TMEM132B: variants seen among roughly 807,000 people sequenced by gnomAD.
The protein encoded by TMEM132B is transmembrane protein 132B.
Under a neutral mutation model 90.8 loss-of-function variants are expected in TMEM132B, and 18 were observed. The ratio of observed to expected loss-of-function variants is 0.20; its 90% CI spans 0.14 to 0.29. TMEM132B has a LOEUF of 0.29. Ranked by LOEUF, TMEM132B falls within the 10% of genes least tolerant of loss-of-function variation. The pLI, the probability that TMEM132B is intolerant of heterozygous loss-of-function variation, is 1.00. For synonymous variants in TMEM132B, 504 were observed against 523.3 expected (o/e 0.96, Z 0.50); for missense variants, 1,096 against 1,326.8 (o/e 0.83, Z 2.70).
In TMEM132B at chr12:125,406,493, G is replaced by C. The variant is rs1879484452; in HGVS notation, c.960-9038G>C. On this transcript the variant is annotated intron_variant, in intron 2 of 8. Transcript: ENST00000682704. This position sits in a 1 kb window ranked among gnomAD's most constrained non-coding sequence, Gnocchi z 8.3. ...TCTCAGTCTGTGGCCAAAACCATCT[G>C]AGACTCACTGGTCTGGACTGAGCCA... Among the ~76,000 whole-genome samples, 1 of 152,202 alleles carries C rather than the reference G, an allele frequency of 6.6e-6. No homozygotes were observed. The highest frequency in any genetic ancestry group is 6.5e-5 in the Admixed American group (1 of 15,288).
intron 3 of TMEM132B, among the ~76,000 whole-genome samples, chr12:125,454,396 G>T (rs113486960): frequency 4.1e-5 from 6 of 146,570 alleles, no homozygotes; most frequent in South Asian, 2.2e-4. Flanking sequence ...GTGTGTTTGT[G>T]TGTGTGTGTG....
At chr12:125,605,499 G>T (rs1290155022) in intron 5 of TMEM132B, among the ~76,000 whole-genome samples, 2 of 152,164 alleles carry the variant, frequency 1.3e-5, no homozygotes, top group African/African-American at 4.8e-5. Flanking sequence ...AGAGAGACAG[G>T]CCTGGTTACC....
At chr12:125,332,464 T>A (rs369864) in intron 1 of TMEM132B, among the ~76,000 whole-genome samples, 1 of 152,150 alleles carries the variant, frequency 6.6e-6, no homozygotes, top group African/African-American at 2.4e-5. Flanking sequence ...CTTCTCTCAA[T>A]TAAGCGCAGC....
chr12:125,282,313 C>T lies in TMEM132B; in HGVS notation c.68-67139C>T, dbSNP rs1387804822. Among the ~76,000 whole-genome samples, 2 of 152,086 alleles carry T rather than the reference C, an allele frequency of 1.3e-5. 1 individual carries two copies. The highest frequency in any genetic ancestry group is 2.9e-5 in the Non-Finnish European group (2 of 68,024). On this transcript the variant is annotated intron_variant, in intron 1 of 8. Coordinates refer to ENST00000682704, the MANE Select transcript of TMEM132B (RefSeq NM_001366854.1). The stretch of plus-strand genomic sequence containing the variant: ...CTGTGCCCTGGTGCCCCCGCCTTCC[C>T]CGGCCTGGGACACTCTCCCTCACTC...
chr12:125,220,848 A>G (rs1593045983), intron 1 of TMEM132B, among the ~76,000 whole-genome samples: 1 of 152,036 alleles, frequency 6.6e-6, no homozygotes, highest in Admixed American at 6.6e-5. Flanking sequence ...CAGAGTAAAA[A>G]CCCACAGTCC....
At position 125,191,545 on chromosome 12, in the gene TMEM132B, A is replaced by G. The variant is rs868228471; in HGVS notation, c.67+4679A>G. On this transcript the variant is annotated intron_variant, in intron 1 of 8. Transcript: ENST00000682704. ...GTGTGGCCCGGCCTCTGAACCAGCCAGGCTTATACTCCCAGGTGGTGGGTA... is the reference window on the plus strand; with the variant it reads ...GTGTGGCCCGGCCTCTGAACCAGCCGGGCTTATACTCCCAGGTGGTGGGTA... 6.6e-4 allele frequency among the ~76,000 whole-genome samples: 100 copies of G among 152,298 alleles called. 3 individuals carry two copies. In the Middle Eastern group the frequency reaches 0.02, roughly 31 times the overall value.
At chr12:125,447,927 A>G (rs1485613721) in intron 3 of TMEM132B, among the ~76,000 whole-genome samples, 2 of 152,170 alleles carry the variant, frequency 1.3e-5, no homozygotes, top group Admixed American at 1.3e-4. Context: ...AAGAATCAAA[A>G]TATTTTGAGG....
chr12:125,254,845 G>A (rs965887736), intron 1 of TMEM132B, among the ~76,000 whole-genome samples: 8 of 151,952 alleles, frequency 5.3e-5, no homozygotes, highest in Non-Finnish European at 1.0e-4. Flanking sequence ...CACCACACCC[G>A]GCTAATACTT....
At chr12:125,523,273 C>T (rs1883356469) in intron 4 of TMEM132B, among the ~76,000 whole-genome samples, 1 of 152,108 alleles carries the variant, frequency 6.6e-6, no homozygotes, top group African/African-American at 2.4e-5. Context: ...GCAAAGTTGT[C>T]AGGAGGGCTG....
In TMEM132B at chr12:125,636,725, G is replaced by C. The variant is rs554932475; in HGVS notation, c.1438-7351G>C. On this transcript the variant is annotated intron_variant, in intron 5 of 8. Coordinates refer to ENST00000682704, the MANE Select transcript of TMEM132B (RefSeq NM_001366854.1). ...GAAGACTAAGACTTTTGTCCCATAC[G>C]GGAAATAGAAGAGATGAAACTGCGG... Among the ~76,000 whole-genome samples the C allele has an allele frequency of 9.5e-4, 145 of 152,274 alleles. 1 individual carries two copies. Among genetic ancestry groups the C allele is most frequent in the African/African-American group, 3.4e-3 (140 of 41,546 alleles).
chr12:125,517,482 A>G (rs1883196719), intron 3 of TMEM132B, among the ~76,000 whole-genome samples: 5 of 151,370 alleles, frequency 3.3e-5, no homozygotes, highest in Admixed American at 3.3e-4. Flanking sequence ...GTGAGCCACC[A>G]CGCCCGGCCC....
chr12:125,574,236 A>G lies in TMEM132B; in HGVS notation c.1294-9615A>G, dbSNP rs187198541. Among the ~76,000 whole-genome samples the G allele has an allele frequency of 9.3e-4, 141 of 152,186 alleles. 1 individual carries two copies. Among genetic ancestry groups the G allele is most frequent in the African/African-American group, 3.1e-3 (129 of 41,520 alleles). On this transcript the variant is annotated intron_variant, in intron 4 of 8. Coordinates refer to ENST00000682704, the MANE Select transcript of TMEM132B (RefSeq NM_001366854.1). ...TCTTCTCTGTAAAGTGAAAGTAATA[A>G]TAGAAGCAACCTCATTAATTAATAT...
intron 4 of TMEM132B, among the ~76,000 whole-genome samples, chr12:125,521,360 A>C (rs1305449829): frequency 1.3e-5 from 2 of 152,052 alleles, no homozygotes; most frequent in Non-Finnish European, 2.9e-5. Context: ...TCATGGAAAG[A>C]TCAGTGGCAA....
chr12:125,583,276 T>C (rs955501108), intron 4 of TMEM132B, among the ~76,000 whole-genome samples: 2 of 152,252 alleles, frequency 1.3e-5, no homozygotes, highest in East Asian at 1.9e-4. Flanking sequence ...CATGTCAGCA[T>C]TTAAAAATAC....
Position 125,262,511 on chromosome 12 carries a change from G to A in TMEM132B, c.67+75645G>A, listed in dbSNP as rs138610638. Among the ~76,000 whole-genome samples the A allele has an allele frequency of 7.8e-4, 119 of 152,288 alleles. 4 individuals are homozygous for A. In the East Asian group the frequency reaches 0.02, roughly 26 times the overall value. On this transcript the variant is annotated intron_variant, in intron 1 of 8. Coordinates refer to ENST00000682704, the MANE Select transcript of TMEM132B (RefSeq NM_001366854.1). ...CTTAGAAACAGGCTTTTGGAATGGT[G>A]CTGATGAGTGTGTGCCCCCTTTAGT...
intron 1 of TMEM132B, among the ~76,000 whole-genome samples, chr12:125,217,796 C>T (rs535853132): frequency 1.3e-5 from 2 of 152,080 alleles, no homozygotes; most frequent in African/African-American, 2.4e-5. Context: ...CATTATGTAT[C>T]AAAATTAAAA....
Position 125,660,138 on chromosome 12 carries a change from A to G in TMEM132B, c.*5428A>G, listed in dbSNP as rs1414156409. 2 of 152,232 alleles carry G rather than the reference A, an allele frequency of 1.3e-5. No homozygotes were observed. The highest frequency in any genetic ancestry group is 2.1e-4 in the South Asian group (1 of 4,822). The allele number at this position is 152,232 out of a possible 1,614,324, so 9.4% of individuals were successfully genotyped here. ...GTGGTGCATGCCTGTAGTCCCAGCT[A>G]CTCTGGAGGCTGAGGCAGGAGAATC... On this transcript the variant is annotated 3_prime_UTR_variant, in exon 9 of 9. Coordinates refer to ENST00000682704, the MANE Select transcript of TMEM132B (RefSeq NM_001366854.1).
chr12:125,555,502 A>G (rs75315665), intron 4 of TMEM132B, among the ~76,000 whole-genome samples: 1 of 142,376 alleles, frequency 7.0e-6, no homozygotes, highest in Non-Finnish European at 1.5e-5. Flanking sequence ...ACAAGTGCCC[A>G]GTACAGTGTT....
At position 125,246,807 on chromosome 12, in the gene TMEM132B, C is replaced by T. The variant is rs1179213289; in HGVS notation, c.67+59941C>T. ...GATTTTGCAGTCTGGAGGCATCTGT[C>T]ATTTTGAATCCATCTGCTTGTTAGG... On this transcript the variant is annotated intron_variant, in intron 1 of 8. Transcript: ENST00000682704. This position sits in a 1 kb window ranked among gnomAD's most constrained non-coding sequence, Gnocchi z 4.2. 1.3e-5 allele frequency among the ~76,000 whole-genome samples: 2 copies of T among 152,036 alleles called. No individual in the cohort carries two copies. Among genetic ancestry groups the T allele is most frequent in the Non-Finnish European group, 2.9e-5 (2 of 68,006 alleles).
Sources: allele counts gnomAD v4.1 joint callset (sites outside exome capture counted in the v4.1 genomes callset), GRCh38; gene constraint gnomAD v4.1.1; non-coding constraint Gnocchi (gnomAD v3.1); transcripts MANE v1.5; gene names NCBI Gene and HGNC (gene_info 2026-07-23, HGNC 2026-07-21).